TMEM126A: variants seen among roughly 807,000 people sequenced by gnomAD.
The protein encoded by TMEM126A is optic atrophy 7.
TMEM126A carries 10 observed loss-of-function variants against 18.3 expected under a neutral mutation model. The ratio of observed to expected loss-of-function variants is 0.55; its 90% CI spans 0.34 to 0.93. The LOEUF (loss-of-function observed/expected upper bound fraction) is 0.93. TMEM126A is among the 40% of genes least tolerant of loss of function. The pLI, the probability that TMEM126A is intolerant of heterozygous loss-of-function variation, is 0.02. For synonymous variants in TMEM126A, 68 were observed against 78.1 expected, an observed-to-expected ratio of 0.87 and a Z score of 0.68; for missense variants, 246 against 230.2, an observed-to-expected ratio of 1.07 and a Z score of -0.44.
At chr11:85,648,223 G>C (rs2082475281) in intron 1 of TMEM126A, 134 bp downstream of exon 1, 1 of 152,240 alleles carries the variant, frequency 6.6e-6, no homozygotes, top group African/African-American at 2.4e-5. Context: ...TCTTCCTGCT[G>C]TCTTTTCACT....
At chr11:85,652,056 G>A (rs1179091879) in intron 2 of TMEM126A, among the ~76,000 whole-genome samples, 2 of 152,140 alleles carry the variant, frequency 1.3e-5, no homozygotes, top group South Asian at 4.1e-4. Flanking sequence ...CCTACCCACT[G>A]GAGAAGCTGA....
intron 3 of TMEM126A, 41 bp downstream of exon 3, chr11:85,654,297 A>G: frequency 3.1e-6 from 5 of 1,591,516 alleles, no homozygotes; most frequent in Non-Finnish European, 4.3e-6. Context: ...TTGCCTTAGT[A>G]TATGTTATTT....
At chr11:85,649,004 G>T (rs896236443) in intron 1 of TMEM126A, among the ~76,000 whole-genome samples, 1 of 147,434 alleles carries the variant, frequency 6.8e-6, no homozygotes, top group East Asian at 2.0e-4. Context: ...GCGAGATCTC[G>T]GCACACTGCA....
In TMEM126A at chr11:85,650,289, A is replaced by G. The variant is rs760140888; in HGVS notation, c.34A>G (p.Ile12Val). The G allele has an allele frequency of 6.8e-6, 11 of 1,606,638 alleles. No homozygotes were observed. The highest frequency in any genetic ancestry group is 1.7e-4 in the Middle Eastern group (1 of 5,736). ...ENHKSNNKEN[I>V]TIVDISRKIN... ...TCATAAATCCAATAATAAGGAAAAC[A>G]TAACAATTGTTGATATATCCAGAAA... The change falls in exon 2 of 5, where the codon ATA (isoleucine) becomes GTA (valine). Residue 12 changes from isoleucine to valine, a missense_variant. Coordinates refer to ENST00000304511, the MANE Select transcript of TMEM126A (RefSeq NM_032273.4).
Position 85,652,877 on chromosome 11 carries a change from T to C in TMEM126A, c.87-1186T>C, listed in dbSNP as rs550248669. 1.8e-4 allele frequency among the ~76,000 whole-genome samples: 28 copies of C among 152,034 alleles called. No individual in the cohort carries two copies. The East Asian group carries it at 5.2e-3, about 28-fold the overall frequency. On this transcript the variant is annotated intron_variant, in intron 2 of 4. Transcript: ENST00000304511. ...ATTGGGATTTAAAATGGGGATAATA[T>C]ACATTTCACATGATTTTTATGATGA... is the stretch of plus-strand genomic sequence containing the variant.
chr11:85,655,709 G>T lies in TMEM126A; in HGVS notation c.395+1G>T. ...CTGTAAATGGTGGTCTAGCAGCCAG[G>T]TAGGAAATAAAAAACTTTTTATAAT... is the stretch of plus-strand genomic sequence containing the variant. On this transcript the variant is annotated splice_donor_variant, in intron 4 of 4. Transcript: ENST00000304511. LOFTEE classifies it high-confidence loss of function. The T allele has an allele frequency of 6.2e-7, 1 of 1,607,818 alleles. No individual in the cohort carries two copies.
intron 2 of TMEM126A, 58 bp from the exon 3 acceptor site, chr11:85,654,005 G>C: frequency 6.3e-7 from 1 of 1,584,696 alleles, no homozygotes; most frequent in Non-Finnish European, 8.7e-7. Flanking sequence ...TGTCAAGATC[G>C]GGAAAGCTCA....
intron 1 of TMEM126A, among the ~76,000 whole-genome samples, chr11:85,649,090 G>A (rs964734156): frequency 7.2e-5 from 11 of 152,114 alleles, no homozygotes; most frequent in South Asian, 4.2e-4. Context: ...AGCTGCCGCC[G>A]TGCCTGGCTA....
At chr11:85,652,590 T>C in intron 2 of TMEM126A, among the ~76,000 whole-genome samples, 1 of 152,192 alleles carries the variant, frequency 6.6e-6, no homozygotes, top group Non-Finnish European at 1.5e-5. Context: ...TTTTAGTTGG[T>C]ATAGGTACTT....
chr11:85,656,482 C>T lies in TMEM126A; in HGVS notation c.569C>T (p.Pro190Leu), dbSNP rs2082541375. ...LLIKALQLSE[P>L]GKEIH is the part of the protein sequence containing the mutation. ...ATAAAGGCCCTTCAGTTATCTGAAC[C>T]TGGCAAAGAAATTCACTGATTTTAA... The change falls in exon 5 of 5, where the codon CCT (proline) becomes CTT (leucine). Residue 190 changes from proline (P) to leucine (L), a missense_variant. Coordinates refer to ENST00000304511, the MANE Select transcript of TMEM126A (RefSeq NM_032273.4). 1.2e-6 allele frequency: 2 copies of T among 1,612,666 alleles called. No individual in the cohort carries two copies. Among genetic ancestry groups the T allele is most frequent in the Non-Finnish European group, 8.5e-7 (1 of 1,179,348 alleles).
In TMEM126A at chr11:85,656,391, T is replaced by C. The variant is rs11556796; in HGVS notation, c.478T>C (p.Leu160=). The change falls in exon 5 of 5, where the codon TTA becomes CTA. Residue 160 remains leucine (L), a synonymous_variant. Coordinates refer to ENST00000304511, the MANE Select transcript of TMEM126A (RefSeq NM_032273.4). ...RTSKPVFRKM[L]FPILLQTMFS... ...TTCTAAGCCTGTCTTTAGAAAGATG[T>C]TATTTCCTATTTTGCTCCAGACTAT... 3 of 1,613,170 alleles carry C rather than the reference T, an allele frequency of 1.9e-6. No individual in the cohort carries two copies. The highest frequency in any genetic ancestry group is 1.1e-5 in the South Asian group (1 of 91,052).
rs74406514 is a variant in TMEM126A, at chr11:85,648,936, G to A, written c.-8+847G>A. On this transcript the variant is annotated intron_variant, in intron 1 of 4. Transcript: ENST00000304511. ...TTTCCTTTGTTGTTATCCCTGAACT[G>A]TTTTTTTTTTTTTTTTTGTAGACCG... 5.4e-4 allele frequency among the ~76,000 whole-genome samples: 71 copies of A among 132,408 alleles called. 1 individual carries two copies. Among genetic ancestry groups the A allele is most frequent in the African/African-American group, 1.8e-3 (65 of 35,148 alleles). The allele number at this position is 132,408 out of a possible 152,430, so 86.9% of individuals were successfully genotyped here.
rs377476349 is a variant in TMEM126A, at chr11:85,654,166, C to T, written c.190C>T (p.Arg64Cys). 1.9e-5 allele frequency: 30 copies of T among 1,614,160 alleles called. No individual in the cohort carries two copies. Among genetic ancestry groups the T allele is most frequent in the African/African-American group, 2.7e-5 (2 of 75,040 alleles). ...ACGCATCTTGAATGTGACAAAGGCTCGCATAGCTGCTGGCTTACCAATGGC... is the reference window on the plus strand; with the variant it reads ...ACGCATCTTGAATGTGACAAAGGCTTGCATAGCTGCTGGCTTACCAATGGC... ...FRRILNVTKA[R>C]IAAGLPMAGI... The change falls in exon 3 of 5, where the codon CGC becomes TGC. Residue 64 changes from arginine to cysteine, a missense_variant. By Grantham distance (180) the Arg-to-Cys change is radical. Coordinates refer to ENST00000304511, the MANE Select transcript of TMEM126A (RefSeq NM_032273.4).
intron 2 of TMEM126A, 50 bp downstream of exon 2, chr11:85,650,391 C>A: frequency 7.8e-7 from 1 of 1,274,364 alleles, no homozygotes; most frequent in Non-Finnish European, 1.1e-6. Context: ...TGGATTTTCA[C>A]CATTGATTCA....
Position 85,650,331 on chromosome 11 carries a change from G to A in TMEM126A, c.76G>A (p.Glu26Lys), listed in dbSNP as rs1159347380. ...ATCCAGAAAAATTAACCAGCTTCCA[G>A]AAGCAGAAAGGTAAGATCCCTTCTT... ...DISRKINQLPEAERNLLENGS... is the reference protein window; with the variant it reads ...DISRKINQLPKAERNLLENGS... The change falls in exon 2 of 5, where the codon GAA becomes AAA. Residue 26 changes from glutamate (E) to lysine (K), a missense_variant. Physicochemically the swap from Glu to Lys is moderately conservative, Grantham distance 56. Transcript: ENST00000304511. The A allele has an allele frequency of 6.2e-7, 1 of 1,603,398 alleles. No homozygotes were observed. Among genetic ancestry groups the A allele is most frequent in the Admixed American group, 1.7e-5 (1 of 59,936 alleles).
chr11:85,656,384 A>T lies in TMEM126A; in HGVS notation c.471A>T (p.Arg157Ser). ...TTAGAACTTCTAAGCCTGTCTTTAG[A>T]AAGATGTTATTTCCTATTTTGCTCC... Reference protein sequence around the residue: ...YWIRTSKPVFRKMLFPILLQT... With the variant: ...YWIRTSKPVFSKMLFPILLQT... Residue 157 changes from arginine to serine, a missense_variant, in exon 5 of 5, where the codon AGA becomes AGT. Arg to Ser is a moderately radical substitution (Grantham distance 110, BLOSUM62 -1). Coordinates refer to ENST00000304511, the MANE Select transcript of TMEM126A (RefSeq NM_032273.4). 1.2e-6 allele frequency: 2 copies of T among 1,613,238 alleles called. No homozygotes were observed. The highest frequency in any genetic ancestry group is 2.7e-5 in the African/African-American group (2 of 75,014).
At position 85,655,681 on chromosome 11, in the gene TMEM126A, T is replaced by A. The variant is rs999281366; in HGVS notation, c.368T>A (p.Ile123Lys). ...GGTCTATACCCTGTTTTCTTGGCTA[T>A]ACCTGTAAATGGTGGTCTAGCAGCC... ...IGGLYPVFLA[I>K]PVNGGLAARY... The change falls in exon 4 of 5, where the codon ATA (isoleucine) becomes AAA (lysine). Residue 123 changes from isoleucine to lysine, a missense_variant. By Grantham distance (102) the Ile-to-Lys change is moderately radical. Transcript: ENST00000304511. 8 of 1,613,458 alleles carry A rather than the reference T, an allele frequency of 5.0e-6. No homozygotes were observed. Among genetic ancestry groups the A allele is most frequent in the Non-Finnish European group, 6.8e-6 (8 of 1,179,466 alleles).
chr11:85,650,445 T>C (rs538480444), intron 2 of TMEM126A, 104 bp downstream of exon 2: 13 of 909,548 alleles, frequency 1.4e-5, no homozygotes, highest in Non-Finnish European at 2.3e-5. Flanking sequence ...ACATGGAATG[T>C]GAGAAGGAAA....
In TMEM126A at chr11:85,655,713, G is replaced by A. The variant is rs115906592; in HGVS notation, c.395+5G>A. ...AAATGGTGGTCTAGCAGCCAGGTAG[G>A]AAATAAAAAACTTTTTATAATATGT... On this transcript the variant is annotated splice_donor_5th_base_variant and intron_variant, in intron 4 of 4. Coordinates refer to ENST00000304511, the MANE Select transcript of TMEM126A (RefSeq NM_032273.4). The A allele has an allele frequency of 1.2e-3, 1,860 of 1,601,568 alleles. 16 individuals are homozygous for A. In the African/African-American group the frequency reaches 0.023, roughly 20 times the overall value.
Sources: allele counts gnomAD v4.1 joint callset (sites outside exome capture counted in the v4.1 genomes callset), GRCh38; gene constraint gnomAD v4.1.1; transcripts MANE v1.5; gene names NCBI Gene and HGNC (gene_info 2026-07-23, HGNC 2026-07-21).